CBFB: variants seen among roughly 807,000 people sequenced by gnomAD.
CBFB encodes core-binding factor subunit beta, also known as CBF-beta.
In CBFB, 9 loss-of-function variants were observed where a neutral mutation model predicts 30.4. That is an observed-to-expected ratio of 0.30 (90% CI 0.18 to 0.52). The LOEUF is 0.52. Ranked by LOEUF, CBFB falls within the 20% of genes least tolerant of loss-of-function variation. The pLI is 0.97. For synonymous variants in CBFB, 94 were observed against 84.0 expected (o/e 1.12, Z -0.65); for missense variants, 170 against 244.0 (o/e 0.70, Z 2.02).
chr16:67,059,292 G>A (rs534119363), intron 3 of CBFB, among the ~76,000 whole-genome samples: 4 of 152,268 alleles, frequency 2.6e-5, no homozygotes, highest in South Asian at 2.1e-4. Flanking sequence ...CACAGGATTA[G>A]TAATATTTAG....
chr16:67,095,458 A>G lies in CBFB; in HGVS notation c.496-3252A>G, dbSNP rs147856420. On this transcript the variant is annotated intron_variant, in intron 5 of 5. Transcript: ENST00000412916. Reference sequence around the variant, plus strand: ...CTTGAACCCAGGAGGCAGAGGTTGCAGTGCACCAAGATTGCGTCACTGCGC... The same window carrying G: ...CTTGAACCCAGGAGGCAGAGGTTGCGGTGCACCAAGATTGCGTCACTGCGC... Among the ~76,000 whole-genome samples the G allele has an allele frequency of 6.3e-3, 962 of 152,272 alleles. 3 individuals are homozygous for G. Among genetic ancestry groups the G allele is most frequent in the Non-Finnish European group, 8.3e-3 (564 of 68,010 alleles).
chr16:67,031,700 A>G (rs975777524), intron 2 of CBFB, among the ~76,000 whole-genome samples: 1 of 151,948 alleles, frequency 6.6e-6, no homozygotes, highest in Admixed American at 6.6e-5. Flanking sequence ...TTTAGTAGAG[A>G]CGGGGTTTCA....
chr16:67,087,476 G>C (rs1227775215), intron 5 of CBFB, among the ~76,000 whole-genome samples: 1 of 152,034 alleles, frequency 6.6e-6, no homozygotes, highest in Admixed American at 6.6e-5. Flanking sequence ...GATCGCTTGA[G>C]CCCAGGAGGT....
intron 3 of CBFB, among the ~76,000 whole-genome samples, chr16:67,038,431 G>A (rs7200287): frequency 0.2 from 30,936 of 151,522 alleles, 6,125 homozygotes; most frequent in African/African-American, 0.52. Context: ...CTCCAATTCT[G>A]TAGAATTAGA....
intron 4 of CBFB, among the ~76,000 whole-genome samples, chr16:67,075,197 ATGTGTGTGTGTG>A (rs57425666): frequency 3.4e-4 from 49 of 142,766 alleles, no homozygotes; most frequent in South Asian, 6.8e-4. Flanking sequence ...CTCAAAAAAA[ATGTGTGTGTGTG>A]TGTGTGTGTG....
chr16:67,088,215 T>G (rs962580701), intron 5 of CBFB, among the ~76,000 whole-genome samples: 2 of 152,194 alleles, frequency 1.3e-5, no homozygotes, highest in African/African-American at 4.8e-5. Context: ...TTTTGGCACT[T>G]AGCGTGTATA....
At chr16:67,056,829 G>C (rs189010125) in intron 3 of CBFB, among the ~76,000 whole-genome samples, 1 of 151,936 alleles carries the variant, frequency 6.6e-6, no homozygotes, top group East Asian at 1.9e-4. Context: ...CTACAGGTGC[G>C]TGCCACCACA....
At chr16:67,035,023 T>A (rs948829914) in intron 2 of CBFB, among the ~76,000 whole-genome samples, 3 of 152,098 alleles carry the variant, frequency 2.0e-5, no homozygotes, top group Non-Finnish European at 4.4e-5. Flanking sequence ...TTTTTTTTTT[T>A]AACTAGTGTT....
At chr16:67,078,276 G>A (rs951734588) in intron 4 of CBFB, among the ~76,000 whole-genome samples, 2 of 152,322 alleles carry the variant, frequency 1.3e-5, no homozygotes, top group Non-Finnish European at 1.5e-5. Context: ...AGCTGGGCAC[G>A]GTGGCTCATG....
chr16:67,051,476 C>CTA (rs750985015), intron 3 of CBFB, among the ~76,000 whole-genome samples: 42 of 150,470 alleles, frequency 2.8e-4, no homozygotes, highest in East Asian at 3.9e-4. Flanking sequence ...TAATATATTG[C>CTA]TATATATATA....
At position 67,080,436 on chromosome 16, in the gene CBFB, A is replaced by G. The variant is rs554729324; in HGVS notation, c.400-1777A>G. 9.9e-5 allele frequency among the ~76,000 whole-genome samples: 15 copies of G among 152,218 alleles called. No individual in the cohort carries two copies. In the East Asian group the frequency reaches 1.5e-3, roughly 16 times the overall value. On this transcript the variant is annotated intron_variant, in intron 4 of 5. Transcript: ENST00000412916. ...CAGTGGTTGATTGATTGTGGAGACA[A>G]TGAGAGAGTGAAGAGTCAAAGATGA...
intron 3 of CBFB, among the ~76,000 whole-genome samples, chr16:67,038,520 C>T (rs577275660): frequency 4.6e-5 from 7 of 151,926 alleles, no homozygotes; most frequent in African/African-American, 1.5e-4. Flanking sequence ...AAAATGAGTA[C>T]TAAGCAAGCA....
At chr16:67,080,503 A>G (rs1252770776) in intron 4 of CBFB, among the ~76,000 whole-genome samples, 1 of 152,212 alleles carries the variant, frequency 6.6e-6, no homozygotes. Flanking sequence ...TGCCACCAAC[A>G]GAGACCAAAA....
At chr16:67,075,054 G>A (rs184140919) in intron 4 of CBFB, among the ~76,000 whole-genome samples, 1 of 152,200 alleles carries the variant, frequency 6.6e-6, no homozygotes, top group Admixed American at 6.5e-5. Context: ...GCCAGGTATG[G>A]TGGCACACAC....
At chr16:67,076,228 C>CA (rs1183766291) in intron 4 of CBFB, among the ~76,000 whole-genome samples, 1 of 151,760 alleles carries the variant, frequency 6.6e-6, no homozygotes, top group Non-Finnish European at 1.5e-5. Flanking sequence ...GACTTCATCT[C>CA]AAAAAAATTT....
intron 5 of CBFB, among the ~76,000 whole-genome samples, chr16:67,083,307 T>C (rs1401323966): frequency 6.6e-6 from 1 of 152,028 alleles, no homozygotes; most frequent in Non-Finnish European, 1.5e-5. Flanking sequence ...GATTTTTTTT[T>C]TTTTTTGAGA....
At chr16:67,063,206 G>C (rs993465316) in intron 3 of CBFB, among the ~76,000 whole-genome samples, 2 of 152,178 alleles carry the variant, frequency 1.3e-5, no homozygotes, top group Admixed American at 1.3e-4. Context: ...GTGTGGAAGG[G>C]AATGAGCACT....
intron 5 of CBFB, among the ~76,000 whole-genome samples, chr16:67,086,037 A>G (rs1420959369): frequency 2.0e-5 from 3 of 152,156 alleles, no homozygotes; most frequent in African/African-American, 4.8e-5. Context: ...AATTAATCTA[A>G]TGGGCTGATA....
intron 5 of CBFB, among the ~76,000 whole-genome samples, chr16:67,092,536 T>C (rs1173694646): frequency 2.6e-5 from 4 of 152,078 alleles, no homozygotes; most frequent in Non-Finnish European, 1.5e-5. Flanking sequence ...ATCTGCACAA[T>C]GAGAGTTGAA....
Sources: gnomAD v4.1 joint callset for allele counts (sites outside exome capture counted in the v4.1 genomes callset) on GRCh38, gnomAD v4.1.1 for gene constraint, MANE v1.5 for transcripts, NCBI Gene and HGNC (gene_info 2026-07-23, HGNC 2026-07-21) for gene names.